IFT122: variants seen among roughly 807,000 people sequenced by gnomAD.
The protein encoded by IFT122 is intraflagellar transport 122.
Under a neutral mutation model 161.6 loss-of-function variants are expected in IFT122, and 118 were observed. The observed-to-expected ratio is 0.73, with a 90% confidence interval of 0.63 to 0.85. The LOEUF (loss-of-function observed/expected upper bound fraction) is 0.85, where lower values mean the gene tolerates loss of function less well. IFT122 is among the 40% of genes least tolerant of loss of function. The pLI is 0.00. For missense variants in IFT122, 1,381 were observed against 1,579.6 expected (o/e 0.87, Z 2.13); for synonymous variants, 550 against 602.4 (o/e 0.91, Z 1.27).
rs73204217 is a variant in IFT122, at chr3:129,479,625, T to G, written c.1351-160T>G. On this transcript the variant is annotated intron_variant, in intron 12 of 29. Transcript: ENST00000348417. ...CCGTGGGGAAGCCTTGCATGGAGTC[T>G]TGGATTAACGATGCCAATCGTGGGG... 1.7e-3 allele frequency among the ~76,000 whole-genome samples: 252 copies of G among 152,254 alleles called. 1 individual carries two copies. Among genetic ancestry groups the G allele is most frequent in the Middle Eastern group, 6.8e-3 (2 of 294 alleles).
rs1214682034 is a variant in IFT122 at position 129,492,695 on chromosome 3, A to G, written c.2046+501A>G. Among the ~76,000 whole-genome samples the G allele has an allele frequency of 2.0e-5, 3 of 152,030 alleles. 1 individual carries two copies. Among genetic ancestry groups the G allele is most frequent in the South Asian group, 4.2e-4 (2 of 4,804 alleles). On this transcript the variant is annotated intron_variant, in intron 17 of 29. Coordinates refer to ENST00000348417, the MANE Select transcript of IFT122 (RefSeq NM_052989.3). ...GAGTTCTGGAGCAACCCCTAGCCCTACTGTTTCTGGCTGAGAATATTGACC... is the reference window on the plus strand; with the variant it reads ...GAGTTCTGGAGCAACCCCTAGCCCTGCTGTTTCTGGCTGAGAATATTGACC...
At chr3:129,473,727 G>T (rs1577541153) in intron 9 of IFT122, among the ~76,000 whole-genome samples, 1 of 152,134 alleles carries the variant, frequency 6.6e-6, no homozygotes, top group Admixed American at 6.5e-5. Flanking sequence ...TCACTTTCCG[G>T]GTGCTGTGGT....
chr3:129,511,336 C>T (rs1032047769), intron 23 of IFT122, among the ~76,000 whole-genome samples: 3 of 152,180 alleles, frequency 2.0e-5, no homozygotes, highest in East Asian at 3.8e-4. Flanking sequence ...TAGAAATTTA[C>T]GTGTGAACTA....
intron 24 of IFT122, chr3:129,513,811 TC>T (rs760626904): frequency 3.8e-5 from 8 of 208,276 alleles, no homozygotes; most frequent in Non-Finnish European, 6.9e-5. Flanking sequence ...GCAGCCAACA[TC>T]GGAGGTGACC....
intron 21 of IFT122, among the ~76,000 whole-genome samples, chr3:129,505,706 G>C (rs892438238): frequency 6.6e-6 from 1 of 152,228 alleles, no homozygotes; most frequent in African/African-American, 2.4e-5. Context: ...TCAAGGGGCT[G>C]GCCACGTAGT....
rs113605095 is a variant in IFT122 at position 129,453,014 on chromosome 3, G to GC, written c.193+1024dup. ...ACCTGAGGACTGAAAGGTTGGAGTT[G>GC]CCCCCCCCACTGAGATGGAAAAGAC... On this transcript the variant is annotated intron_variant, in intron 3 of 29. Transcript: ENST00000348417. Among the ~76,000 whole-genome samples, 702 of 151,702 alleles carry GC rather than the reference G, an allele frequency of 4.6e-3. 8 individuals are homozygous for GC. Among genetic ancestry groups the GC allele is most frequent in the African/African-American group, 0.015 (638 of 41,358 alleles).
Position 129,461,116 on chromosome 3 carries a change from G to A in IFT122, c.273-112G>A, listed in dbSNP as rs1315169419. The A allele has an allele frequency of 3.1e-6, 3 of 979,794 alleles. No homozygotes were observed. The Admixed American group carries it at 5.4e-5, about 17-fold the overall frequency. 60.7% of individuals were successfully genotyped at this position (979,794 alleles called of 1,614,324 possible). ...TGCTTTTTGTTGGTCACTTGCAGAA[G>A]AGCATGTGGTCTAAAGTCAGAGGCT... On this transcript the variant is annotated intron_variant, in intron 4 of 29. Transcript: ENST00000348417.
At chr3:129,494,282 G>GT (rs1305230322) in intron 17 of IFT122, among the ~76,000 whole-genome samples, 1 of 151,776 alleles carries the variant, frequency 6.6e-6, no homozygotes, top group Non-Finnish European at 1.5e-5. Flanking sequence ...CTGGGCTCAA[G>GT]TGATCCTCCT....
At chr3:129,520,125 G>C in intron 29 of IFT122, 51 bp from the exon 30 acceptor site, 1 of 1,488,284 alleles carries the variant, frequency 6.7e-7, no homozygotes, top group Non-Finnish European at 9.3e-7. Flanking sequence ...CCAGGCGTAG[G>C]GCTGATGAGC....
At chr3:129,450,713 GTTTTTT>G (rs747032492) in intron 2 of IFT122, among the ~76,000 whole-genome samples, 1 of 80,966 alleles carries the variant, frequency 1.2e-5, no homozygotes, top group Non-Finnish European at 2.3e-5. Context: ...GTGTGTGTGT[GTTTTTT>G]TTTTTTTTTT....
rs77938079 is a variant in IFT122 at position 129,520,121 on chromosome 3, G to A, written c.3637-55G>A. On this transcript the variant is annotated intron_variant, in intron 29 of 29. Transcript: ENST00000348417. The stretch of plus-strand genomic sequence containing the variant: ...GAGGCAGTGCGTCCTGGCCCCAGGC[G>A]TAGGGCTGATGAGCACTAGGGCTTC... The A allele has an allele frequency of 1.0e-3, 1,468 of 1,448,564 alleles. 12 individuals carry two copies. In the African/African-American group the frequency reaches 0.018, roughly 18 times the overall value. The allele number at this position is 1,448,564 out of a possible 1,614,324, so 89.7% of individuals were successfully genotyped here.
At position 129,512,496 on chromosome 3, in the gene IFT122, G is replaced by A. The variant is rs200839602; in HGVS notation, c.2987+84G>A. On this transcript the variant is annotated intron_variant, in intron 24 of 29. Coordinates refer to ENST00000348417, the MANE Select transcript of IFT122 (RefSeq NM_052989.3). The stretch of plus-strand genomic sequence containing the variant: ...AAATTCCTTCCAGAGCACTTTCCTG[G>A]CAGAACCTTCCTCTCTCAGCAACCC... 3.1e-5 allele frequency: 30 copies of A among 961,532 alleles called. No homozygotes were observed. In the East Asian group the frequency reaches 6.9e-4, roughly 22 times the overall value. The allele number at this position is 961,532 out of a possible 1,614,324, so 59.6% of individuals were successfully genotyped here. A position where few individuals can be genotyped will look rare whatever the true frequency, so the allele number is the denominator to read the frequency against.
intron 26 of IFT122, among the ~76,000 whole-genome samples, chr3:129,517,006 GAA>G (rs2083929935): frequency 2.3e-5 from 2 of 87,764 alleles, no homozygotes; most frequent in Non-Finnish European, 4.5e-5. Context: ...CACACACACA[GAA>G]ACTGCCCCTG....
At chr3:129,503,083 TTCAG>T (rs2081777792) in intron 20 of IFT122, among the ~76,000 whole-genome samples, 1 of 152,202 alleles carries the variant, frequency 6.6e-6, no homozygotes, top group Non-Finnish European at 1.5e-5. Context: ...TGTCCCTTCA[TTCAG>T]TCATTGAGAA....
At chr3:129,475,726 A>G (rs2077853806) in intron 9 of IFT122, among the ~76,000 whole-genome samples, 1 of 152,118 alleles carries the variant, frequency 6.6e-6, no homozygotes, top group Admixed American at 6.5e-5. Flanking sequence ...AGGCAGGAAG[A>G]TCGCTTGAGT....
intron 2 of IFT122, 121 bp from the exon 3 acceptor site, chr3:129,451,793 T>C (rs1332010470): frequency 4.6e-6 from 4 of 867,530 alleles, no homozygotes. Flanking sequence ...CAGTTTTTAT[T>C]GGCTACAGAT....
intron 21 of IFT122, 43 bp downstream of exon 21, chr3:129,504,464 G>A: frequency 6.7e-7 from 1 of 1,495,254 alleles, no homozygotes; most frequent in South Asian, 1.1e-5. Context: ...AGCAGGAGAA[G>A]TTACTGCCAA....
At chr3:129,467,782 C>G (rs1427252993) in intron 8 of IFT122, among the ~76,000 whole-genome samples, 1 of 152,230 alleles carries the variant, frequency 6.6e-6, no homozygotes, top group South Asian at 2.1e-4. Flanking sequence ...ACTTTCCAAA[C>G]TGTTTTACAT....
chr3:129,516,330 C>CAG (rs1200271740), intron 26 of IFT122, among the ~76,000 whole-genome samples: 1 of 140,788 alleles, frequency 7.1e-6, no homozygotes, highest in Non-Finnish European at 1.5e-5. Flanking sequence ...TGCACACACA[C>CAG]AGAGACTGCC....
Sources: gnomAD v4.1 joint callset for allele counts (sites outside exome capture counted in the v4.1 genomes callset) on GRCh38, gnomAD v4.1.1 for gene constraint, MANE v1.5 for transcripts, NCBI Gene and HGNC (gene_info 2026-07-23, HGNC 2026-07-21) for gene names.